Variants in TTC7B observed in about 807,000 individuals in gnomAD.
The protein encoded by TTC7B is tetratricopeptide repeat protein 7B.
In TTC7B, 28 loss-of-function variants were observed where a neutral mutation model predicts 106.8. That is an observed-to-expected ratio of 0.26 (90% CI 0.19 to 0.36). TTC7B has a LOEUF of 0.36. TTC7B is among the 10% of genes least tolerant of loss of function. The pLI is 1.00. For missense variants in TTC7B, 862 were observed against 1,076.4 expected, an observed-to-expected ratio of 0.80 and a Z score of 2.79; for synonymous variants, 405 against 430.6, an observed-to-expected ratio of 0.94 and a Z score of 0.74.
chr14:90,728,849 AC>A (rs1373229107), intron 5 of TTC7B, among the ~76,000 whole-genome samples: 1 of 152,248 alleles, frequency 6.6e-6, no homozygotes. Flanking sequence ...CTCCGTGATG[AC>A]CACCATTTAT....
intron 1 of TTC7B, 115 bp downstream of exon 1, chr14:90,816,060 C>T (rs1006327997): frequency 1.0e-6 from 1 of 973,470 alleles, no homozygotes; most frequent in African/African-American, 1.8e-5. Flanking sequence ...CCGCAGCTCC[C>T]TCGCGGCCCG....
chr14:90,541,193 C>T lies in TTC7B; in HGVS notation c.*175G>A, dbSNP rs969640368. The T allele has an allele frequency of 1.6e-5, 8 of 490,180 alleles. No homozygotes were observed. The highest frequency in any genetic ancestry group is 3.8e-5 in the Admixed American group (1 of 26,482). The allele number at this position is 490,180 out of a possible 1,614,324, so 30.4% of individuals were successfully genotyped here. A position where few individuals can be genotyped will look rare whatever the true frequency, so the allele number is the denominator to read the frequency against. ...GGGCTGGCAAAAAAAACAAGAGAAACGCACATGGCGAGAGCGATGATTCGG... is the reference window on the plus strand; with the variant it reads ...GGGCTGGCAAAAAAAACAAGAGAAATGCACATGGCGAGAGCGATGATTCGG... On this transcript the variant is annotated 3_prime_UTR_variant, in exon 20 of 20. Transcript: ENST00000328459.
At position 90,689,706 on chromosome 14, in the gene TTC7B, C is replaced by T; in HGVS notation, c.784G>A (p.Ala262Thr). 6.2e-7 allele frequency: 1 copy of T among 1,613,862 alleles called. No individual in the cohort carries two copies. Among genetic ancestry groups the T allele is most frequent in the Non-Finnish European group, 8.5e-7 (1 of 1,179,910 alleles). ...AACAAGATCTCTGCCAGCTGCCTGG[C>T]TATTGTCTGGGAACATAAACGAGGA... ...RTTQNLRMTI[A>T]RQLAEILLRG... The change falls in exon 7 of 20, where the codon GCC (alanine) becomes ACC (threonine). Residue 262 changes from alanine to threonine, a missense_variant. Ala to Thr is a moderately conservative substitution (Grantham distance 58). Coordinates refer to ENST00000328459, the MANE Select transcript of TTC7B (RefSeq NM_001010854.2).
At chr14:90,740,392 G>A (rs1024739428) in intron 4 of TTC7B, among the ~76,000 whole-genome samples, 3 of 151,810 alleles carry the variant, frequency 2.0e-5, no homozygotes, top group Admixed American at 6.6e-5. Flanking sequence ...CAGACACGGG[G>A]ACACCAGGCA....
At chr14:90,620,974 C>T (rs1228961452) in intron 15 of TTC7B, among the ~76,000 whole-genome samples, 1 of 152,170 alleles carries the variant, frequency 6.6e-6, no homozygotes, top group Non-Finnish European at 1.5e-5. Context: ...ACTTGGAAGA[C>T]CTCTCAAGAG....
At chr14:90,747,947 CCTTTACTTTTAAT>C (rs1474953072) in intron 3 of TTC7B, among the ~76,000 whole-genome samples, 1 of 152,052 alleles carries the variant, frequency 6.6e-6, no homozygotes, top group East Asian at 1.9e-4. Context: ...TTTTTTCATC[CCTTTACTTTTAAT>C]CTTTACTTTT....
intron 1 of TTC7B, among the ~76,000 whole-genome samples, chr14:90,786,928 A>G (rs141335002): frequency 7.9e-4 from 120 of 152,306 alleles, no homozygotes; most frequent in African/African-American, 2.4e-3. Flanking sequence ...TCAGTAGGAA[A>G]AAAACAAAGG....
intron 18 of TTC7B, among the ~76,000 whole-genome samples, chr14:90,589,195 A>G (rs1220045636): frequency 1.3e-5 from 2 of 152,220 alleles, no homozygotes; most frequent in Non-Finnish European, 2.9e-5. Flanking sequence ...ACTTATCAAA[A>G]TTAAAGAGTA....
intron 1 of TTC7B, among the ~76,000 whole-genome samples, chr14:90,801,830 G>A (rs1174448973): frequency 6.6e-6 from 1 of 152,074 alleles, no homozygotes; most frequent in Non-Finnish European, 1.5e-5. Context: ...CCAAGGGGAA[G>A]GGGGTGGATC....
intron 16 of TTC7B, among the ~76,000 whole-genome samples, chr14:90,615,906 C>T (rs546444857): frequency 8.5e-5 from 13 of 152,312 alleles, no homozygotes; most frequent in African/African-American, 3.1e-4. Context: ...CCCCATCCGC[C>T]AGTCCCCACC....
intron 1 of TTC7B, among the ~76,000 whole-genome samples, chr14:90,815,232 G>C (rs1295434141): frequency 6.6e-6 from 1 of 152,144 alleles, no homozygotes; most frequent in Non-Finnish European, 1.5e-5. Context: ...CTGCGCTTTA[G>C]GCGGGTACTA....
At chr14:90,642,232 A>T (rs992652419) in intron 15 of TTC7B, among the ~76,000 whole-genome samples, 2 of 152,268 alleles carry the variant, frequency 1.3e-5, no homozygotes, top group Middle Eastern at 3.4e-3. Context: ...CTACAAAAGA[A>T]ATCTCTAGTC....
intron 5 of TTC7B, among the ~76,000 whole-genome samples, chr14:90,711,426 A>C (rs1010636858): frequency 6.6e-6 from 1 of 152,144 alleles, no homozygotes; most frequent in Non-Finnish European, 1.5e-5. Flanking sequence ...GAGAAAACAG[A>C]ATTATTTTTT....
rs1315172378 is a variant in TTC7B at position 90,741,899 on chromosome 14, T to C, written c.576+2893A>G. On this transcript the variant is annotated intron_variant, in intron 4 of 19. Transcript: ENST00000328459. ...GCTAATATCTCAGCTTGCTGAAATC[T>C]GGGGAGGTCCAAACTGGTTTTCCAA... is the stretch of plus-strand genomic sequence containing the variant. Among the ~76,000 whole-genome samples the C allele has an allele frequency of 3.9e-5, 6 of 152,280 alleles. No homozygotes were observed. In the East Asian group the frequency reaches 9.7e-4, roughly 25 times the overall value.
chr14:90,701,796 G>GTGTA (rs1484823347), intron 5 of TTC7B, among the ~76,000 whole-genome samples: 5 of 118,916 alleles, frequency 4.2e-5, no homozygotes, highest in South Asian at 2.6e-4. Context: ...GTGTGTGTGT[G>GTGTA]TATATATATA....
rs770813738 is a variant in TTC7B at position 90,658,386 on chromosome 14, C to T, written c.1154G>A (p.Cys385Tyr). 14 of 1,614,014 alleles carry T rather than the reference C, an allele frequency of 8.7e-6. No homozygotes were observed. Among genetic ancestry groups the T allele is most frequent in the Non-Finnish European group, 1.2e-5 (14 of 1,179,996 alleles). ...RRGQYEMLSE[C>Y]LERAMKFAFE... ...GGCAAACTTCATGGCTCTTTCTAGGCACTGGTTGGGAAAGAAAAACAAATG... is the reference window on the plus strand; with the variant it reads ...GGCAAACTTCATGGCTCTTTCTAGGTACTGGTTGGGAAAGAAAAACAAATG... The change falls in exon 10 of 20, where the codon TGC (cysteine) becomes TAC (tyrosine). Residue 385 changes from cysteine (C) to tyrosine (Y), a missense_variant and splice_region_variant. By Grantham distance (194) the Cys-to-Tyr change is radical. Coordinates refer to ENST00000328459, the MANE Select transcript of TTC7B (RefSeq NM_001010854.2).
At chr14:90,718,006 A>G (rs1483181796) in intron 5 of TTC7B, among the ~76,000 whole-genome samples, 2 of 152,168 alleles carry the variant, frequency 1.3e-5, no homozygotes, top group Non-Finnish European at 2.9e-5. Flanking sequence ...ACAGGATATG[A>G]ATTCCTTCTT....
At chr14:90,798,647 T>C (rs1412826159) in intron 1 of TTC7B, among the ~76,000 whole-genome samples, 1 of 133,222 alleles carries the variant, frequency 7.5e-6, no homozygotes, top group Non-Finnish European at 1.5e-5. Context: ...GAGGCAGAGG[T>C]TGCAATGAGC....
chr14:90,565,471 G>A (rs1465577912), intron 19 of TTC7B, among the ~76,000 whole-genome samples: 3 of 141,950 alleles, frequency 2.1e-5, no homozygotes, highest in African/African-American at 5.2e-5. Context: ...GCGTGATCTC[G>A]GCTCACTGCA....
Sources: gnomAD v4.1 joint callset for allele counts (sites outside exome capture counted in the v4.1 genomes callset) on GRCh38, gnomAD v4.1.1 for gene constraint, MANE v1.5 for transcripts, NCBI Gene and HGNC (gene_info 2026-07-23, HGNC 2026-07-21) for gene names.